Variants in PAN3 observed in about 807,000 individuals in gnomAD.
The protein encoded by PAN3 is PAN2-PAN3 deadenylation complex subunit PAN3.
PAN3 carries 19 observed loss-of-function variants against 96.2 expected under a neutral mutation model. The observed-to-expected ratio is 0.20, with a 90% CI of 0.14 to 0.29. The LOEUF (loss-of-function observed/expected upper bound fraction) is 0.29. Among genes scored for constraint, PAN3 ranks in the 10% least tolerant of loss-of-function variants. The pLI, the probability that PAN3 is intolerant of heterozygous loss-of-function variation, is 1.00. For missense variants in PAN3, 882 were observed against 1,108.1 expected (o/e 0.80, Z 2.90); for synonymous variants, 433 against 406.6 (o/e 1.06, Z -0.78).
chr13:28,158,890 A>T (rs893613707), intron 1 of PAN3, among the ~76,000 whole-genome samples: 5 of 152,058 alleles, frequency 3.3e-5, no homozygotes, highest in South Asian at 2.1e-4. Flanking sequence ...AAAAAAAAAA[A>T]AAAGCTCAAC....
At chr13:28,166,374 G>A (rs1873536780) in intron 1 of PAN3, among the ~76,000 whole-genome samples, 1 of 152,236 alleles carries the variant, frequency 6.6e-6, no homozygotes, top group African/African-American at 2.4e-5. Flanking sequence ...GAATAATCTT[G>A]TTTAACTCCT....
At chr13:28,246,717 G>A (rs1158935144) in intron 6 of PAN3, among the ~76,000 whole-genome samples, 1 of 152,096 alleles carries the variant, frequency 6.6e-6, no homozygotes, top group Admixed American at 6.5e-5. Context: ...TTAACATAAT[G>A]ACCTTCAGTA....
intron 6 of PAN3, among the ~76,000 whole-genome samples, chr13:28,231,076 CAT>C (rs1882507994): frequency 6.6e-6 from 1 of 152,152 alleles, no homozygotes; most frequent in Non-Finnish European, 1.5e-5. Flanking sequence ...TTTCTTCAAA[CAT>C]AGAGACCGAA....
At chr13:28,211,812 C>T (rs1880070892) in intron 5 of PAN3, among the ~76,000 whole-genome samples, 1 of 152,136 alleles carries the variant, frequency 6.6e-6, no homozygotes. Context: ...CAGTGAAGGA[C>T]AGTGATCCCT....
At chr13:28,153,172 A>G (rs1420674437) in intron 1 of PAN3, among the ~76,000 whole-genome samples, 5 of 152,134 alleles carry the variant, frequency 3.3e-5, no homozygotes, top group African/African-American at 4.8e-5. Flanking sequence ...ATATACAGAC[A>G]AGATGCTTAA....
At chr13:28,169,492 A>G (rs986224261) in intron 1 of PAN3, among the ~76,000 whole-genome samples, 4 of 151,472 alleles carry the variant, frequency 2.6e-5, no homozygotes, top group Admixed American at 6.6e-5. Context: ...CGGCCTCCCA[A>G]AGTGTTGGGA....
At chr13:28,271,498 C>T (rs1022178202) in intron 13 of PAN3, among the ~76,000 whole-genome samples, 4 of 152,184 alleles carry the variant, frequency 2.6e-5, no homozygotes, top group African/African-American at 9.6e-5. Context: ...CAAGTTACTT[C>T]TTCAAATTGT....
At chr13:28,260,138 T>G (rs1885571565) in intron 7 of PAN3, among the ~76,000 whole-genome samples, 1 of 152,130 alleles carries the variant, frequency 6.6e-6, no homozygotes, top group South Asian at 2.1e-4. Context: ...GGCTCACACC[T>G]GTAATCCCAG....
At chr13:28,277,157 C>T (rs1887131008) in intron 14 of PAN3, 80 bp from the exon 15 acceptor site, 4 of 1,355,234 alleles carry the variant, frequency 3.0e-6, no homozygotes, top group East Asian at 2.4e-5. Flanking sequence ...ATGCTTTTTC[C>T]ATTTAGGCAG....
At chr13:28,205,927 A>G (rs956203788) in intron 5 of PAN3, among the ~76,000 whole-genome samples, 66 of 151,502 alleles carry the variant, frequency 4.4e-4, no homozygotes, top group African/African-American at 1.4e-3. Context: ...TATTTTCATT[A>G]ATATTCTTAT....
chr13:28,217,691 T>C (rs1336823709), intron 5 of PAN3, among the ~76,000 whole-genome samples: 1 of 152,168 alleles, frequency 6.6e-6, no homozygotes, highest in Non-Finnish European at 1.5e-5. Context: ...TAGAACTATT[T>C]AAAATATAAA....
intron 5 of PAN3, chr13:28,215,192 C>T (rs770425390): frequency 2.7e-5 from 19 of 713,528 alleles, no homozygotes; most frequent in Non-Finnish European, 5.0e-5. Context: ...CCAGTGGAAC[C>T]ACACTGCTTG....
At chr13:28,163,084 C>T (rs1873087227) in intron 1 of PAN3, among the ~76,000 whole-genome samples, 1 of 151,706 alleles carries the variant, frequency 6.6e-6, no homozygotes. Flanking sequence ...TGCTCTGTCA[C>T]CCAGGCTGTA....
intron 1 of PAN3, among the ~76,000 whole-genome samples, chr13:28,164,597 G>A (rs536453134): frequency 1.3e-5 from 2 of 152,324 alleles, no homozygotes; most frequent in South Asian, 4.1e-4. Flanking sequence ...AATTTGGGAA[G>A]TACTCTGACT....
intron 12 of PAN3, among the ~76,000 whole-genome samples, chr13:28,267,958 T>C (rs974777190): frequency 9.2e-5 from 14 of 152,226 alleles, no homozygotes; most frequent in African/African-American, 2.9e-4. Flanking sequence ...ATAATGTCTT[T>C]TGCATATTTA....
In PAN3 at chr13:28,212,542, G is replaced by C. The variant is rs370059422; in HGVS notation, c.853-7689G>C. 5.9e-5 allele frequency among the ~76,000 whole-genome samples: 9 copies of C among 152,272 alleles called. No individual in the cohort carries two copies. In the South Asian group the frequency reaches 1.9e-3, roughly 32 times the overall value. On this transcript the variant is annotated intron_variant, in intron 5 of 18. Coordinates refer to ENST00000380958, the MANE Select transcript of PAN3 (RefSeq NM_175854.8). ...ATCATTCAAAACTGATCCAGAAATA[G>C]TTACGTGAAAACATCAACAATAATT...
In PAN3 at chr13:28,270,840, A is replaced by G; in HGVS notation, c.1932A>G (p.Thr644=). 3.1e-6 allele frequency: 5 copies of G among 1,613,844 alleles called. No individual in the cohort carries two copies. The highest frequency in any genetic ancestry group is 2.5e-6 in the Non-Finnish European group (3 of 1,179,782). ...TGGCATGTCGAGTTATGGATCCAAC[A>G]AAGATTCTGATAACTGGCAAAACAA... ...AGLACRVMDP[T]KILITGKTRL... is the part of the protein sequence containing the mutation. The change falls in exon 13 of 19, where the codon ACA becomes ACG. Residue 644 remains threonine, a synonymous_variant. Transcript: ENST00000380958.
intron 13 of PAN3, among the ~76,000 whole-genome samples, chr13:28,271,211 G>T (rs1017840620): frequency 4.6e-5 from 7 of 152,182 alleles, no homozygotes; most frequent in Non-Finnish European, 8.8e-5. Flanking sequence ...AACACAGCTT[G>T]CTGGGCCCTA....
At chr13:28,155,106 G>A (rs972085714) in intron 1 of PAN3, among the ~76,000 whole-genome samples, 2 of 151,152 alleles carry the variant, frequency 1.3e-5, no homozygotes, top group Non-Finnish European at 2.9e-5. Flanking sequence ...GTGAGCCACC[G>A]CGCACGGCGA....
Sources: gnomAD v4.1 joint callset for allele counts (sites outside exome capture counted in the v4.1 genomes callset) on GRCh38, gnomAD v4.1.1 for gene constraint, MANE v1.5 for transcripts, NCBI Gene and HGNC (gene_info 2026-07-23, HGNC 2026-07-21) for gene names.